Variants in SPATS2L observed in about 807,000 individuals in gnomAD.
SPATS2L encodes the protein SPATS2-like protein.
In SPATS2L, 30 loss-of-function variants were observed where a neutral mutation model predicts 59.6. The ratio of observed to expected loss-of-function variants is 0.50; its 90% confidence interval spans 0.38 to 0.68. SPATS2L has a LOEUF of 0.68. SPATS2L is among the 30% of genes least tolerant of loss of function. The pLI, the probability that SPATS2L is intolerant of heterozygous loss-of-function variation, is 0.00. For synonymous variants in SPATS2L, 252 were observed against 263.5 expected, an observed-to-expected ratio of 0.96 and a Z score of 0.42; for missense variants, 615 against 700.0, an observed-to-expected ratio of 0.88 and a Z score of 1.37.
intron 2 of SPATS2L, among the ~76,000 whole-genome samples, chr2:200,342,044 A>C (rs553451393): frequency 6.6e-6 from 1 of 152,152 alleles, no homozygotes; most frequent in South Asian, 2.1e-4. Flanking sequence ...TTTTACTCTA[A>C]TCCCCCTTTA....
intron 2 of SPATS2L, among the ~76,000 whole-genome samples, chr2:200,388,607 G>A (rs1468683720): frequency 2.1e-4 from 3 of 14,380 alleles, no homozygotes; most frequent in Non-Finnish European, 3.1e-4. Flanking sequence ...AAAAGGTTTT[G>A]AGATGCCCCC....
intron 1 of SPATS2L, among the ~76,000 whole-genome samples, chr2:200,310,967 C>T (rs1057406002): frequency 6.6e-6 from 1 of 152,216 alleles, no homozygotes; most frequent in Non-Finnish European, 1.5e-5. Flanking sequence ...TCCTTTCTTA[C>T]GCTGTTACAT....
intron 2 of SPATS2L, among the ~76,000 whole-genome samples, chr2:200,388,407 A>G (rs765748375): frequency 2.0e-5 from 3 of 152,126 alleles, no homozygotes; most frequent in Middle Eastern, 3.4e-3. Context: ...CCTTGTCTCT[A>G]CAAAAAATAC....
Position 200,470,102 on chromosome 2 carries a change from T to TC in SPATS2L, c.1060+92dup, listed in dbSNP as rs2086909775. ...GCTATTGGAAATGTCAGGTGTGCAG[T>TC]CCCCCCAGGGGGCTAACGTGAGGTC... On this transcript the variant is annotated intron_variant, in intron 11 of 12. Transcript: ENST00000409140. The TC allele has an allele frequency of 1.1e-5, 12 of 1,091,958 alleles. No individual in the cohort carries two copies. The South Asian group carries it at 1.6e-4, about 15-fold the overall frequency. 67.6% of individuals were successfully genotyped at this position (1,091,958 alleles called of 1,614,324 possible). A position where few individuals can be genotyped will look rare whatever the true frequency, so the allele number is the denominator to read the frequency against.
intron 1 of SPATS2L, among the ~76,000 whole-genome samples, chr2:200,320,962 A>G (rs186692967): frequency 3.9e-5 from 6 of 152,356 alleles, no homozygotes; most frequent in Admixed American, 2.0e-4. Flanking sequence ...ATTTGTGTCT[A>G]TATTTTTCAG....
intron 2 of SPATS2L, among the ~76,000 whole-genome samples, chr2:200,345,556 C>G (rs2080484274): frequency 6.6e-6 from 1 of 152,154 alleles, no homozygotes; most frequent in Non-Finnish European, 1.5e-5. Context: ...ATTTATTAGG[C>G]CAGCTCTGGG....
chr2:200,436,937 T>C (rs1474900608), intron 6 of SPATS2L, among the ~76,000 whole-genome samples: 5 of 152,108 alleles, frequency 3.3e-5, no homozygotes, highest in East Asian at 1.9e-4. Flanking sequence ...ATAAGCGAGT[T>C]CTTGCTCAGT....
At chr2:200,364,689 G>C (rs1454700594) in intron 2 of SPATS2L, among the ~76,000 whole-genome samples, 1 of 152,194 alleles carries the variant, frequency 6.6e-6, no homozygotes, top group Non-Finnish European at 1.5e-5. Context: ...CTTCCCCAAA[G>C]CAATTCTCCC....
At chr2:200,409,513 C>T (rs1316546049) in intron 3 of SPATS2L, among the ~76,000 whole-genome samples, 1 of 152,130 alleles carries the variant, frequency 6.6e-6, no homozygotes, top group African/African-American at 2.4e-5. Flanking sequence ...GGAAAATAAA[C>T]ATAGTGAATT....
intron 3 of SPATS2L, among the ~76,000 whole-genome samples, chr2:200,399,192 A>G (rs2082444531): frequency 6.6e-6 from 1 of 152,136 alleles, no homozygotes; most frequent in Non-Finnish European, 1.5e-5. Flanking sequence ...GCATAACTGA[A>G]ATTTCATACC....
At chr2:200,355,722 A>G (rs1323718504) in intron 2 of SPATS2L, among the ~76,000 whole-genome samples, 11 of 152,242 alleles carry the variant, frequency 7.2e-5, no homozygotes, top group African/African-American at 2.4e-4. Flanking sequence ...ACATACATCT[A>G]TGTCTTTTTA....
At chr2:200,443,750 C>T (rs2084851999) in intron 8 of SPATS2L, among the ~76,000 whole-genome samples, 1 of 152,152 alleles carries the variant, frequency 6.6e-6, no homozygotes, top group South Asian at 2.1e-4. Context: ...CTGAAAAGTA[C>T]TGCTGGAATT....
At chr2:200,399,921 T>C (rs2082471799) in intron 3 of SPATS2L, among the ~76,000 whole-genome samples, 1 of 152,196 alleles carries the variant, frequency 6.6e-6, no homozygotes, top group Non-Finnish European at 1.5e-5. Context: ...CTTATACCTT[T>C]ATGGTACTCT....
chr2:200,352,355 ATATATATATATATATATG>A (rs2080768985), intron 2 of SPATS2L, among the ~76,000 whole-genome samples: 1 of 48,592 alleles, frequency 2.1e-5, no homozygotes, highest in African/African-American at 4.8e-5. Context: ...ATATATATAT[ATATATATATATATATATG>A]GTAAACAAGC....
rs1025412947 is a variant in SPATS2L, at chr2:200,479,874, G to T, written c.*1843G>T. On this transcript the variant is annotated 3_prime_UTR_variant, in exon 13 of 13. Coordinates refer to ENST00000409140, the MANE Select transcript of SPATS2L (RefSeq NM_001100423.2). Reference sequence around the variant, plus strand: ...GTAGAGAGCTTTCTGAGGTCTCTGGGTGTACCCAGAGATTTAATAGAAATT... The same window carrying T: ...GTAGAGAGCTTTCTGAGGTCTCTGGTTGTACCCAGAGATTTAATAGAAATT... 2.5e-6 allele frequency: 1 copy of T among 397,574 alleles called. No individual in the cohort carries two copies. The highest frequency in any genetic ancestry group is 2.1e-5 in the African/African-American group (1 of 48,616). The allele number at this position is 397,574 out of a possible 1,614,324, so 24.6% of individuals were successfully genotyped here.
chr2:200,426,154 G>A (rs111324964), intron 6 of SPATS2L, among the ~76,000 whole-genome samples: 1,486 of 128,078 alleles, frequency 0.012, 11 homozygotes, highest in Non-Finnish European at 0.018. Context: ...GCAGTGGCGC[G>A]ATCTCAGCTC....
intron 8 of SPATS2L, among the ~76,000 whole-genome samples, chr2:200,458,328 T>G (rs1452268414): frequency 6.6e-6 from 1 of 152,186 alleles, no homozygotes; most frequent in Non-Finnish European, 1.5e-5. Flanking sequence ...TTCCTATAAA[T>G]TTGCCATTTT....
intron 3 of SPATS2L, among the ~76,000 whole-genome samples, chr2:200,394,694 G>A (rs535937364): frequency 3.9e-5 from 6 of 152,294 alleles, no homozygotes; most frequent in African/African-American, 1.4e-4. Flanking sequence ...AAAATGAAAT[G>A]TAGGTTAATG....
At chr2:200,384,917 T>C (rs1003814509) in intron 2 of SPATS2L, among the ~76,000 whole-genome samples, 5 of 152,238 alleles carry the variant, frequency 3.3e-5, no homozygotes, top group Admixed American at 6.5e-5. Flanking sequence ...TCAGGACTTA[T>C]ATTTCTGAGT....
Sources: allele counts gnomAD v4.1 joint callset (sites outside exome capture counted in the v4.1 genomes callset), GRCh38; gene constraint gnomAD v4.1.1; transcripts MANE v1.5; gene names NCBI Gene and HGNC (gene_info 2026-07-23, HGNC 2026-07-21).